Variants in ATG16L1 observed in about 807,000 individuals in gnomAD.
ATG16L1 encodes autophagy-related protein 16-1.
Under a neutral mutation model 88.5 loss-of-function variants are expected in ATG16L1, and 37 were observed. That is an observed-to-expected ratio of 0.42 (90% CI 0.32 to 0.55). The LOEUF (loss-of-function observed/expected upper bound fraction) is 0.55, where lower values mean the gene tolerates loss of function less well. ATG16L1 is among the 20% of genes least tolerant of loss of function. ATG16L1 has a pLI of 0.13. For missense variants in ATG16L1, 554 were observed against 752.8 expected (o/e 0.74, Z 3.09); for synonymous variants, 301 against 281.0 (o/e 1.07, Z -0.71).
chr2:233,288,688 A>G (rs1252946519), intron 12 of ATG16L1: 1 of 501,318 alleles, frequency 2.0e-6, no homozygotes, highest in East Asian at 5.6e-5. Flanking sequence ...TCAATGATGA[A>G]TGGTAAAAGG....
At chr2:233,286,643 T>TTTTTG (rs1553608374) in intron 12 of ATG16L1, among the ~76,000 whole-genome samples, 10 of 138,956 alleles carry the variant, frequency 7.2e-5, no homozygotes, top group African/African-American at 2.2e-4. Context: ...TTTTTTTTTT[T>TTTTTG]GAGACAGTGT....
intron 10 of ATG16L1, among the ~76,000 whole-genome samples, chr2:233,278,546 A>G (rs1251529629): frequency 6.6e-6 from 1 of 152,174 alleles, no homozygotes; most frequent in Non-Finnish European, 1.5e-5. Context: ...TTTCACAGAT[A>G]AAGGGAATAA....
intron 1 of ATG16L1, among the ~76,000 whole-genome samples, chr2:233,252,421 G>A (rs148280045): frequency 6.6e-6 from 1 of 151,722 alleles, no homozygotes; most frequent in Admixed American, 6.6e-5. Context: ...TTGCTGTGTC[G>A]CCGAGCCTGG....
intron 2 of ATG16L1, among the ~76,000 whole-genome samples, chr2:233,262,426 G>A (rs1697279135): frequency 6.6e-6 from 1 of 152,094 alleles, no homozygotes; most frequent in African/African-American, 2.4e-5. Flanking sequence ...CACAGCCCTC[G>A]GAGGTGCCCA....
At chr2:233,291,148 C>G (rs1278203879) in intron 14 of ATG16L1, among the ~76,000 whole-genome samples, 1 of 152,102 alleles carries the variant, frequency 6.6e-6, no homozygotes, top group Non-Finnish European at 1.5e-5. Context: ...TGAGGACAGC[C>G]TCCCAGCAGG....
intron 3 of ATG16L1, among the ~76,000 whole-genome samples, chr2:233,263,656 C>T (rs1335171887): frequency 3.3e-5 from 5 of 152,212 alleles, no homozygotes; most frequent in Non-Finnish European, 7.3e-5. Context: ...TACGGCAAAG[C>T]TCCAGTTGGG....
intron 6 of ATG16L1, among the ~76,000 whole-genome samples, chr2:233,271,698 C>T (rs569870161): frequency 1.3e-5 from 2 of 152,364 alleles, no homozygotes; most frequent in African/African-American, 4.8e-5. Flanking sequence ...CGGGCCTAAG[C>T]ACAGTTGCAA....
chr2:233,288,958 C>T (rs776193100), intron 12 of ATG16L1: 1 of 511,772 alleles, frequency 2.0e-6, no homozygotes, highest in Non-Finnish European at 3.9e-6. Context: ...GAAAATCCCC[C>T]AGGGGTTTTA....
At chr2:233,268,390 C>T (rs771411391) in intron 5 of ATG16L1, among the ~76,000 whole-genome samples, 1 of 152,152 alleles carries the variant, frequency 6.6e-6, no homozygotes, top group Admixed American at 6.6e-5. Context: ...ACACAGGAAG[C>T]GGAGATTGCA....
At position 233,289,950 on chromosome 2, in the gene ATG16L1, C is replaced by T; in HGVS notation, c.1300C>T (p.Leu434Phe). Residue 434 changes from leucine (L) to phenylalanine (F), a missense_variant, in exon 13 of 18, where the codon CTC (leucine) becomes TTC (phenylalanine). By Grantham distance (22) the Leu-to-Phe change is conservative. Around this residue, in one of 5 missense-constraint regions of ATG16L1, gnomAD observed 370 missense variants for 509.7 expected, o/e 0.73. Transcript: ENST00000392017. Reference sequence around the variant, plus strand: ...AGGAAGTCACGACCGGACTCTCAAACTCTGGGATCTACGCAGCAAAGTCTG... The same window carrying T: ...AGGAAGTCACGACCGGACTCTCAAATTCTGGGATCTACGCAGCAAAGTCTG... ...VSGSHDRTLK[L>F]WDLRSKVCIK... The T allele has an allele frequency of 6.2e-7, 1 of 1,614,180 alleles. No homozygotes were observed. The highest frequency in any genetic ancestry group is 8.5e-7 in the Non-Finnish European group (1 of 1,180,014).
At chr2:233,285,139 G>A (rs1039417853) in intron 12 of ATG16L1, among the ~76,000 whole-genome samples, 1 of 152,208 alleles carries the variant, frequency 6.6e-6, no homozygotes, top group Non-Finnish European at 1.5e-5. Context: ...AGATGGCCTA[G>A]CCGGTACTCA....
chr2:233,286,847 G>T (rs944857180), intron 12 of ATG16L1, among the ~76,000 whole-genome samples: 1 of 151,564 alleles, frequency 6.6e-6, no homozygotes, highest in Non-Finnish European at 1.5e-5. Flanking sequence ...GGATGGTCTC[G>T]ATCTCCTGAC....
intron 2 of ATG16L1, among the ~76,000 whole-genome samples, chr2:233,257,815 G>T (rs1264076902): frequency 6.6e-6 from 1 of 152,038 alleles, no homozygotes; most frequent in Non-Finnish European, 1.5e-5. Context: ...GACCAGCCTG[G>T]CCCTGATGGT....
At chr2:233,279,709 A>G (rs1047452725) in intron 10 of ATG16L1, among the ~76,000 whole-genome samples, 3 of 152,222 alleles carry the variant, frequency 2.0e-5, no homozygotes, top group Admixed American at 2.0e-4. Flanking sequence ...TCTCCAAAGC[A>G]GAAGTTCCAC....
intron 12 of ATG16L1, 26 bp downstream of exon 12, chr2:233,282,779 G>T (rs369579836): frequency 2.3e-5 from 37 of 1,604,772 alleles, no homozygotes; most frequent in Non-Finnish European, 3.2e-5. Context: ...GAAAGTTAGT[G>T]CAATCTCCAA....
In ATG16L1 at chr2:233,256,335, T is replaced by C. The variant is rs929687109; in HGVS notation, c.209+140T>C. 4 of 705,606 alleles carry C rather than the reference T, an allele frequency of 5.7e-6. No homozygotes were observed. In the African/African-American group the frequency reaches 7.2e-5, roughly 13 times the overall value. The allele number at this position is 705,606 out of a possible 1,614,324, so 43.7% of individuals were successfully genotyped here. A position where few individuals can be genotyped will look rare whatever the true frequency, so the allele number is the denominator to read the frequency against. Reference sequence around the variant, plus strand: ...TTGTCAGCTCCTTTCAAATAAGAACTAAAACCATGTAATTACAATTGTTTT... The same window carrying C: ...TTGTCAGCTCCTTTCAAATAAGAACCAAAACCATGTAATTACAATTGTTTT... On this transcript the variant is annotated intron_variant, in intron 2 of 17. Coordinates refer to ENST00000392017, the MANE Select transcript of ATG16L1 (RefSeq NM_030803.7).
At chr2:233,269,326 C>A (rs921543666) in intron 5 of ATG16L1, among the ~76,000 whole-genome samples, 27 of 152,112 alleles carry the variant, frequency 1.8e-4, no homozygotes, top group Admixed American at 9.8e-4. Flanking sequence ...AAGGGGAAGT[C>A]CTAAGTAAAT....
chr2:233,281,638 C>T (rs183913667), intron 11 of ATG16L1, among the ~76,000 whole-genome samples: 2 of 152,262 alleles, frequency 1.3e-5, no homozygotes, highest in Admixed American at 1.3e-4. Flanking sequence ...GCATTTAAAG[C>T]AGATCTAAAG....
At position 233,251,696 on chromosome 2, in the gene ATG16L1, G is replaced by A. The variant is rs982293525; in HGVS notation, c.-132G>A. ...GAAGACCGTCCCGGATGGCCTCGGG[G>A]ACTGCCAGTGTGTGGAGGTGAGCTC... On this transcript the variant is annotated 5_prime_UTR_variant, in exon 1 of 18. Transcript: ENST00000392017. The A allele has an allele frequency of 2.6e-6, 2 of 768,292 alleles. No homozygotes were observed. The highest frequency in any genetic ancestry group is 2.9e-5 in the East Asian group (1 of 34,450). 47.6% of individuals were successfully genotyped at this position (768,292 alleles called of 1,614,324 possible).
Sources: gnomAD v4.1 joint callset for allele counts (sites outside exome capture counted in the v4.1 genomes callset) on GRCh38, gnomAD v4.1.1 for gene constraint, gnomAD v4.1.1 regional missense constraint, MANE v1.5 for transcripts, NCBI Gene and HGNC (gene_info 2026-07-23, HGNC 2026-07-21) for gene names.